The following TDRD7 variants were observed in gnomAD, a reference collection of about 807,000 sequenced individuals.
The protein encoded by TDRD7 is tudor domain-containing protein 7.
In TDRD7, 47 loss-of-function variants were observed where a neutral mutation model predicts 109.8. That is an observed-to-expected ratio of 0.43 (90% confidence interval 0.34 to 0.55). The LOEUF is 0.55. Ranked by LOEUF, TDRD7 falls within the 20% of genes least tolerant of loss-of-function variation. TDRD7 has a pLI of 0.03. For synonymous variants in TDRD7, 424 were observed against 457.3 expected (o/e 0.93, Z 0.93); for missense variants, 1,164 against 1,319.2 (o/e 0.88, Z 1.82).
intron 6 of TDRD7, among the ~76,000 whole-genome samples, chr9:97,454,761 T>A (rs74832287): frequency 6.6e-5 from 10 of 151,652 alleles, no homozygotes; most frequent in African/African-American, 2.4e-4. Context: ...CACCCTAACA[T>A]CACAAAAGAG....
At chr9:97,441,942 T>C (rs1828314238) in intron 6 of TDRD7, 67 bp downstream of exon 6, 1 of 1,307,672 alleles carries the variant, frequency 7.6e-7, no homozygotes, top group Admixed American at 1.7e-5. Flanking sequence ...CTTGAGTTAT[T>C]AGTCATATCA....
intron 8 of TDRD7, 123 bp downstream of exon 8, chr9:97,465,151 A>ACTTCCATTGAAAAC: frequency 8.1e-7 from 1 of 1,237,076 alleles, no homozygotes; most frequent in Non-Finnish European, 1.1e-6. Flanking sequence ...GTAGTTTTCA[A>ACTTCCATTGAAAAC]TGGAAGTTGA....
intron 14 of TDRD7, among the ~76,000 whole-genome samples, chr9:97,482,474 G>A (rs1829131689): frequency 6.6e-6 from 1 of 152,122 alleles, no homozygotes; most frequent in Non-Finnish European, 1.5e-5. Context: ...TGGGTGATGA[G>A]TATATCAGGG....
chr9:97,490,049 C>T (rs771508121), intron 16 of TDRD7, among the ~76,000 whole-genome samples: 1 of 152,136 alleles, frequency 6.6e-6, no homozygotes, highest in Admixed American at 6.5e-5. Context: ...CACACACACA[C>T]GCATACAGAA....
intron 6 of TDRD7, among the ~76,000 whole-genome samples, chr9:97,458,133 AT>A (rs1230561749): frequency 6.6e-6 from 1 of 152,188 alleles, no homozygotes. Flanking sequence ...AGGAAAAAAG[AT>A]TATAATGAAC....
chr9:97,440,771 T>C (rs1180121990), intron 5 of TDRD7, among the ~76,000 whole-genome samples: 1 of 152,168 alleles, frequency 6.6e-6, no homozygotes, highest in Non-Finnish European at 1.5e-5. Flanking sequence ...AATATGCATA[T>C]ATTTTGCATA....
chr9:97,444,835 G>C (rs988145616), intron 6 of TDRD7, among the ~76,000 whole-genome samples: 1 of 152,158 alleles, frequency 6.6e-6, no homozygotes, highest in Non-Finnish European at 1.5e-5. Context: ...AATTCCATTT[G>C]AATATCAGAA....
chr9:97,445,587 G>A (rs1475836163), intron 6 of TDRD7, among the ~76,000 whole-genome samples: 1 of 152,102 alleles, frequency 6.6e-6, no homozygotes, highest in African/African-American at 2.4e-5. Context: ...AGGTAAAGAG[G>A]GAGGAGAAAA....
chr9:97,425,027 G>A (rs924941886), intron 1 of TDRD7, among the ~76,000 whole-genome samples: 17 of 151,872 alleles, frequency 1.1e-4, no homozygotes, highest in East Asian at 7.7e-4. Flanking sequence ...ACACTACAGC[G>A]CCTCATGTGT....
At chr9:97,482,760 T>C in intron 14 of TDRD7, 89 bp from the exon 15 acceptor site, 1 of 1,401,806 alleles carries the variant, frequency 7.1e-7, no homozygotes, top group Non-Finnish European at 9.9e-7. Context: ...GGCAAAATAC[T>C]GTGTTTTAAT....
chr9:97,481,170 T>C (rs976960115), intron 14 of TDRD7, among the ~76,000 whole-genome samples: 4 of 152,380 alleles, frequency 2.6e-5, no homozygotes, highest in South Asian at 2.1e-4. Context: ...ATCCTTCTTA[T>C]AATTTTTCCC....
chr9:97,462,148 T>C (rs1828736850), intron 7 of TDRD7, among the ~76,000 whole-genome samples: 1 of 152,230 alleles, frequency 6.6e-6, no homozygotes, highest in African/African-American at 2.4e-5. Context: ...TTACCACCTT[T>C]TACCATTTGA....
rs1564195148 is a variant in TDRD7 at position 97,428,594 on chromosome 9, G to T, written c.129G>T (p.Gln43His). ...CTGGAGACTGGATCCCCTTCAAACAGCTAGGTTTCCCTACACTAGAAGCCT... is the reference window on the plus strand; with the variant it reads ...CTGGAGACTGGATCCCCTTCAAACATCTAGGTTTCCCTACACTAGAAGCCT... Reference protein sequence around the residue: ...SLTGDWIPFKQLGFPTLEAYL... With the variant: ...SLTGDWIPFKHLGFPTLEAYL... Residue 43 changes from glutamine (Q) to histidine (H), a missense_variant, in exon 2 of 17, where the codon CAG (glutamine) becomes CAT (histidine). Gln to His is a conservative substitution (Grantham distance 24). Transcript: ENST00000355295. 2.5e-6 allele frequency: 4 copies of T among 1,613,680 alleles called. No homozygotes were observed. The highest frequency in any genetic ancestry group is 3.4e-6 in the Non-Finnish European group (4 of 1,179,848).
At chr9:97,427,409 T>G (rs567357329) in intron 1 of TDRD7, among the ~76,000 whole-genome samples, 1 of 152,302 alleles carries the variant, frequency 6.6e-6, no homozygotes, top group South Asian at 2.1e-4. Flanking sequence ...CTCTATCCAT[T>G]TCTTGAATGG....
chr9:97,493,447 G>A (rs113588690), intron 16 of TDRD7, among the ~76,000 whole-genome samples: 2,343 of 152,148 alleles, frequency 0.015, 25 homozygotes, highest in Non-Finnish European at 0.024. Context: ...GGTGTGGGTC[G>A]CAGAGATCAC....
chr9:97,434,760 T>C (rs1828164580), intron 4 of TDRD7, among the ~76,000 whole-genome samples: 1 of 151,994 alleles, frequency 6.6e-6, no homozygotes, highest in African/African-American at 2.4e-5. Flanking sequence ...AGCCAAAAAA[T>C]AGAAACAACC....
rs766092476 is a variant in TDRD7 at position 97,495,830 on chromosome 9, T to C, written c.3244T>C (p.Trp1082Arg). The change falls in exon 17 of 17, where the codon TGG becomes CGG. Residue 1082 changes from tryptophan (W) to arginine (R), a missense_variant. Trp to Arg is a moderately radical substitution (Grantham distance 101). Transcript: ENST00000355295. ...CACATCGTTGCCAGACACCGATACC[T>C]GGATTCATGATTTTATGTCAGAGTA... ...VDTSLPDTDTWIHDFMSEYLI... is the reference protein window; with the variant it reads ...VDTSLPDTDTRIHDFMSEYLI... 6.2e-7 allele frequency: 1 copy of C among 1,614,202 alleles called. No homozygotes were observed. The highest frequency in any genetic ancestry group is 8.5e-7 in the Non-Finnish European group (1 of 1,180,032).
chr9:97,473,722 T>C (rs1037452683), intron 11 of TDRD7, 96 bp downstream of exon 11: 1 of 1,537,774 alleles, frequency 6.5e-7, no homozygotes, highest in Non-Finnish European at 8.9e-7. Context: ...TTTTTTTGTA[T>C]GAACGATTTT....
intron 2 of TDRD7, 76 bp from the exon 3 acceptor site, chr9:97,430,857 C>T (rs1363452242): frequency 1.3e-6 from 2 of 1,585,728 alleles, no homozygotes; most frequent in African/African-American, 2.7e-5. Context: ...CACTAAGATC[C>T]ACTTTTAAGA....
Sources: gnomAD v4.1 joint callset for allele counts (sites outside exome capture counted in the v4.1 genomes callset) on GRCh38, gnomAD v4.1.1 for gene constraint, MANE v1.5 for transcripts, NCBI Gene and HGNC (gene_info 2026-07-23, HGNC 2026-07-21) for gene names.